Variants in NLK observed in about 807,000 individuals in gnomAD.
The protein encoded by NLK is serine/threonine-protein kinase NLK.
NLK carries 11 observed loss-of-function variants against 59.0 expected under a neutral mutation model. The observed-to-expected ratio is 0.19, with a 90% CI of 0.12 to 0.31. NLK has a LOEUF of 0.31. Ranked by LOEUF, NLK falls within the 10% of genes least tolerant of loss-of-function variation. The pLI is 1.00. For missense variants in NLK, 410 were observed against 661.1 expected (o/e 0.62, Z 4.16); for synonymous variants, 235 against 235.9 (o/e 1.00, Z 0.03).
At chr17:28,203,196 C>T in the NLK span, among the ~76,000 whole-genome samples, 1 of 151,630 alleles carries the variant, frequency 6.6e-6, no homozygotes, top group Non-Finnish European at 1.5e-5. Context: ...CACACACACA[C>T]ACACAGTCTC....
rs577327560 is a variant in NLK at position 28,168,486 on chromosome 17, T to C, written c.876T>C (p.Asp292=). The change falls in exon 6 of 11, where the codon GAT becomes GAC. Residue 292 remains aspartate, a synonymous_variant. Transcript: ENST00000407008. ...DFGLARVEEL[D]ESRHMTQEVV... Reference sequence around the variant, plus strand: ...GATTGGCCAGAGTGGAAGAATTAGATGAATCCCGTCATATGACTCAGGAAG... The same window carrying C: ...GATTGGCCAGAGTGGAAGAATTAGACGAATCCCGTCATATGACTCAGGAAG... The C allele has an allele frequency of 1.9e-6, 3 of 1,613,958 alleles. No individual in the cohort carries two copies. Among genetic ancestry groups the C allele is most frequent in the African/African-American group, 1.3e-5 (1 of 75,064 alleles).
At chr17:28,051,796 A>G (rs1364356503) in intron 1 of NLK, among the ~76,000 whole-genome samples, 2 of 152,100 alleles carry the variant, frequency 1.3e-5, no homozygotes, top group Middle Eastern at 3.4e-3. Context: ...TGGTTTTCTC[A>G]TTTATAAAAT....
chr17:28,136,950 CAAAAA>C (rs67290939), intron 3 of NLK, among the ~76,000 whole-genome samples: 4 of 80,670 alleles, frequency 5.0e-5, no homozygotes, highest in Non-Finnish European at 7.2e-5. Context: ...GTAGCCAAAG[CAAAAA>C]AAAAAAAAAA....
intron 1 of NLK, among the ~76,000 whole-genome samples, chr17:28,064,060 G>A (rs1333233770): frequency 6.6e-6 from 1 of 151,702 alleles, no homozygotes; most frequent in African/African-American, 2.4e-5. Context: ...AATTTTTCAG[G>A]AACATAGTAG....
At chr17:28,144,396 C>CAAAAAAA (rs984366292) in intron 3 of NLK, among the ~76,000 whole-genome samples, 4 of 81,582 alleles carry the variant, frequency 4.9e-5, no homozygotes, top group Admixed American at 1.2e-4. Context: ...CAGGTGAAGC[C>CAAAAAAA]AAAAAAAAAA....
intron 2 of NLK, among the ~76,000 whole-genome samples, chr17:28,125,005 G>A (rs577480787): frequency 8.6e-5 from 13 of 151,854 alleles, no homozygotes; most frequent in African/African-American, 2.7e-4. Context: ...CCAAGATCAC[G>A]ACACTGCACT....
intron 7 of NLK, among the ~76,000 whole-genome samples, chr17:28,183,491 G>A (rs1429209085): frequency 6.6e-6 from 1 of 152,102 alleles, no homozygotes; most frequent in Non-Finnish European, 1.5e-5. Flanking sequence ...ACCATGCCGG[G>A]CTAATTTTTA....
intron 7 of NLK, among the ~76,000 whole-genome samples, chr17:28,182,710 G>T (rs1908958843): frequency 1.3e-5 from 2 of 149,802 alleles, no homozygotes; most frequent in Admixed American, 1.3e-4. Flanking sequence ...CCCCACCCCT[G>T]TTTGGAGCTC....
chr17:28,157,380 G>A (rs1190569392), intron 3 of NLK, among the ~76,000 whole-genome samples: 3 of 151,870 alleles, frequency 2.0e-5, no homozygotes, highest in African/African-American at 7.3e-5. Context: ...TAGTAGAGAT[G>A]GGGTTTCACC....
At chr17:28,134,783 T>C (rs535112168) in intron 3 of NLK, among the ~76,000 whole-genome samples, 64 of 152,360 alleles carry the variant, frequency 4.2e-4, no homozygotes, top group Middle Eastern at 3.4e-3. Context: ...AAGAATGTCT[T>C]TGTATAGCTG....
At chr17:28,085,564 ACCC>A (rs1464494295) in intron 1 of NLK, among the ~76,000 whole-genome samples, 1 of 152,052 alleles carries the variant, frequency 6.6e-6, no homozygotes, top group Non-Finnish European at 1.5e-5. Flanking sequence ...ACGTGGTGAA[ACCC>A]CATCTCTACT....
chr17:28,111,248 G>T (rs138415479), intron 1 of NLK, among the ~76,000 whole-genome samples: 2 of 151,620 alleles, frequency 1.3e-5, no homozygotes, highest in African/African-American at 4.9e-5. Flanking sequence ...GTGCAGTGGC[G>T]CAATCTCAGC....
intron 1 of NLK, among the ~76,000 whole-genome samples, chr17:28,072,903 G>T (rs1910053231): frequency 6.6e-6 from 1 of 151,912 alleles, no homozygotes; most frequent in Admixed American, 6.6e-5. Flanking sequence ...TGCTGTCTTT[G>T]TTGGTCTAAT....
chr17:28,070,354 ATTTTTTTT>A (rs749066253), intron 1 of NLK, among the ~76,000 whole-genome samples: 16 of 134,842 alleles, frequency 1.2e-4, no homozygotes, highest in African/African-American at 4.4e-4. Flanking sequence ...TCTGAAATTA[ATTTTTTTT>A]TTTTTTTTTT....
chr17:28,128,475 A>G (rs973399505), intron 2 of NLK, among the ~76,000 whole-genome samples: 1 of 152,228 alleles, frequency 6.6e-6, no homozygotes, highest in Non-Finnish European at 1.5e-5. Flanking sequence ...TAAATATCAT[A>G]TGTAAAGACC....
At chr17:28,077,136 T>G (rs1393590329) in intron 1 of NLK, among the ~76,000 whole-genome samples, 2 of 130,908 alleles carry the variant, frequency 1.5e-5, no homozygotes, top group Non-Finnish European at 3.2e-5. Context: ...GGTACAAACC[T>G]CCTTTCCCTG....
intron 2 of NLK, among the ~76,000 whole-genome samples, chr17:28,126,354 C>T (rs1321989713): frequency 6.6e-6 from 1 of 152,090 alleles, no homozygotes; most frequent in East Asian, 1.9e-4. Context: ...TTTTTTAAAG[C>T]TTCTCAGGTG....
chr17:28,199,665 C>CAAAAAAAAAAAAAAA (rs1303411168), downstream of NLK, among the ~76,000 whole-genome samples: 1 of 33,576 alleles, frequency 3.0e-5, no homozygotes. Context: ...GACTCTGTCT[C>CAAAAAAAAAAAAAAA]AAAAAAAAAA....
Position 28,191,142 on chromosome 17 carries a change from G to A in NLK, c.1358G>A (p.Ser453Asn). The A allele has an allele frequency of 6.2e-7, 1 of 1,613,800 alleles. No individual in the cohort carries two copies. Among genetic ancestry groups the A allele is most frequent in the Non-Finnish European group, 8.5e-7 (1 of 1,179,838 alleles). Reference sequence around the variant, plus strand: ...ACCTCCACTGGAAGAGTTTATACCAGTGACTTTGAGCCTGTCACCAATCCC... The same window carrying A: ...ACCTCCACTGGAAGAGTTTATACCAATGACTTTGAGCCTGTCACCAATCCC... ...FSTSTGRVYTSDFEPVTNPKF... is the reference protein window; with the variant it reads ...FSTSTGRVYTNDFEPVTNPKF... The change falls in exon 9 of 11, where the codon AGT (serine) becomes AAT (asparagine). Residue 453 changes from serine (S) to asparagine (N), a missense_variant. Physicochemically the swap from Ser to Asn is conservative, Grantham distance 46. Coordinates refer to ENST00000407008, the MANE Select transcript of NLK (RefSeq NM_016231.5).
Sources: gnomAD v4.1 joint callset for allele counts (sites outside exome capture counted in the v4.1 genomes callset) on GRCh38, gnomAD v4.1.1 for gene constraint, MANE v1.5 for transcripts, NCBI Gene and HGNC (gene_info 2026-07-23, HGNC 2026-07-21) for gene names.